The following NCK1 variants were observed in gnomAD, a reference collection of about 807,000 sequenced individuals.
NCK1 encodes the protein SH2/SH3 adapter protein NCK1.
NCK1 carries 19 observed loss-of-function variants against 36.6 expected under a neutral mutation model. The ratio of observed to expected loss-of-function variants is 0.52; its 90% CI spans 0.36 to 0.76. The LOEUF (loss-of-function observed/expected upper bound fraction) is 0.76, where lower values mean the gene tolerates loss of function less well. Among genes scored for constraint, NCK1 ranks in the 30% least tolerant of loss-of-function variants. The probability of loss-of-function intolerance (pLI) is 0.00; values close to 1 mark genes in which losing one functional copy is unlikely to be tolerated. For synonymous variants in NCK1, 165 were observed against 156.0 expected, an observed-to-expected ratio of 1.06 and a Z score of -0.43; for missense variants, 358 against 445.6, an observed-to-expected ratio of 0.80 and a Z score of 1.77.
chr3:136,919,362 A>C (rs1940047941), intron 1 of NCK1, among the ~76,000 whole-genome samples: 1 of 152,204 alleles, frequency 6.6e-6, no homozygotes, highest in South Asian at 2.1e-4. Flanking sequence ...AAACAGCAAA[A>C]AAATATATGG....
chr3:136,927,545 C>G (rs9851726), intron 1 of NCK1, among the ~76,000 whole-genome samples: 103,677 of 151,994 alleles, frequency 0.68, 35,653 homozygotes, highest in East Asian at 0.87. Context: ...TTGATTGAGA[C>G]AGATTCTCCC....
At chr3:136,919,366 T>C (rs888661652) in intron 1 of NCK1, among the ~76,000 whole-genome samples, 1 of 152,054 alleles carries the variant, frequency 6.6e-6, no homozygotes, top group Non-Finnish European at 1.5e-5. Context: ...AGCAAAAAAA[T>C]ATATGGCCCT....
intron 1 of NCK1, among the ~76,000 whole-genome samples, chr3:136,908,896 T>C (rs1464437960): frequency 1.3e-5 from 2 of 152,140 alleles, no homozygotes; most frequent in Admixed American, 6.5e-5. Context: ...TGTTGGAAAG[T>C]TGATGCAGTG....
intron 1 of NCK1, among the ~76,000 whole-genome samples, chr3:136,891,745 T>C (rs1327607309): frequency 6.6e-6 from 1 of 152,154 alleles, no homozygotes. Context: ...ATGGTGATGG[T>C]TGTGAGGTGG....
At chr3:136,935,972 A>G (rs1940519304) in intron 2 of NCK1, among the ~76,000 whole-genome samples, 1 of 151,868 alleles carries the variant, frequency 6.6e-6, no homozygotes. Context: ...CATTTAGTAT[A>G]ATATCTTCAA....
chr3:136,886,051 G>C (rs564650711), intron 1 of NCK1, among the ~76,000 whole-genome samples: 5 of 152,194 alleles, frequency 3.3e-5, no homozygotes, highest in African/African-American at 1.2e-4. Flanking sequence ...TTATAAGGCA[G>C]GTGCCCCTTT....
At position 136,948,321 on chromosome 3, in the gene NCK1, A is replaced by C. The variant is rs1165439100; in HGVS notation, c.1002A>C (p.Leu334=). Residue 334 remains leucine, a synonymous_variant, in exon 4 of 4, where the codon CTA becomes CTC. Transcript: ENST00000481752. ...QGKNKHFKVQ[L]KETVYCIGQR... is the part of the protein sequence containing the mutation. The stretch of plus-strand genomic sequence containing the variant: ...AAAACAAGCATTTTAAAGTCCAACT[A>C]AAAGAGACTGTCTACTGCATTGGGC... The C allele has an allele frequency of 6.2e-7, 1 of 1,612,074 alleles. No homozygotes were observed. Among genetic ancestry groups the C allele is most frequent in the East Asian group, 2.2e-5 (1 of 44,840 alleles).
intron 1 of NCK1, among the ~76,000 whole-genome samples, chr3:136,865,617 C>T (rs1446613166): frequency 6.6e-6 from 1 of 151,868 alleles, no homozygotes; most frequent in Non-Finnish European, 1.5e-5. Context: ...AGAAAAATAC[C>T]AAATGTTCTT....
chr3:136,926,869 T>G (rs1940254344), intron 1 of NCK1, among the ~76,000 whole-genome samples: 1 of 152,228 alleles, frequency 6.6e-6, no homozygotes, highest in African/African-American at 2.4e-5. Flanking sequence ...TTGTATGTGT[T>G]TCATTTGTTT....
At chr3:136,903,968 A>G (rs944604314) in intron 1 of NCK1, among the ~76,000 whole-genome samples, 1 of 151,752 alleles carries the variant, frequency 6.6e-6, no homozygotes, top group Non-Finnish European at 1.5e-5. Context: ...TTGTGATGGT[A>G]GATAGTGTTC....
intron 2 of NCK1, among the ~76,000 whole-genome samples, chr3:136,932,218 G>C (rs751159113): frequency 1.1e-4 from 17 of 152,086 alleles, no homozygotes; most frequent in Admixed American, 2.6e-4. Context: ...CTGAGTCTTA[G>C]GAAGTTGATA....
intron 1 of NCK1, among the ~76,000 whole-genome samples, chr3:136,923,103 G>A (rs1211229373): frequency 6.9e-6 from 1 of 145,082 alleles, no homozygotes; most frequent in Admixed American, 6.8e-5. Flanking sequence ...ATGCCTATGT[G>A]TATGTGTGTG....
At chr3:136,894,821 CTTA>C (rs1281841858) in intron 1 of NCK1, among the ~76,000 whole-genome samples, 1 of 151,972 alleles carries the variant, frequency 6.6e-6, no homozygotes, top group Admixed American at 6.6e-5. Flanking sequence ...TTTTTTAAAT[CTTA>C]TTAGTACTTT....
intron 1 of NCK1, among the ~76,000 whole-genome samples, chr3:136,902,945 A>G (rs1313983804): frequency 6.6e-6 from 1 of 151,972 alleles, no homozygotes; most frequent in Non-Finnish European, 1.5e-5. Flanking sequence ...AATGTTCTGT[A>G]AATGTCTGTT....
At chr3:136,922,249 A>G (rs933853435) in intron 1 of NCK1, among the ~76,000 whole-genome samples, 5 of 152,234 alleles carry the variant, frequency 3.3e-5, no homozygotes, top group Non-Finnish European at 5.9e-5. Flanking sequence ...GGGACTGGGA[A>G]CAAAAGTGAA....
At chr3:136,863,160 G>T (rs1412700313) in intron 1 of NCK1, among the ~76,000 whole-genome samples, 1 of 152,072 alleles carries the variant, frequency 6.6e-6, no homozygotes, top group South Asian at 2.1e-4. Context: ...AATTATGCAC[G>T]TTAGATTAGG....
At chr3:136,907,443 A>G (rs888359371) in intron 1 of NCK1, among the ~76,000 whole-genome samples, 1 of 152,124 alleles carries the variant, frequency 6.6e-6, no homozygotes, top group Non-Finnish European at 1.5e-5. Context: ...ATGTTGTTGC[A>G]TGGTTTCTAG....
intron 1 of NCK1, among the ~76,000 whole-genome samples, chr3:136,903,717 G>A (rs555306656): frequency 1.7e-4 from 26 of 152,124 alleles, no homozygotes; most frequent in Non-Finnish European, 3.2e-4. Flanking sequence ...GAGCCACACC[G>A]CGCCTGGCCA....
rs1385311992 is a variant in NCK1 at position 136,949,528 on chromosome 3, A to T, written c.*1075A>T. 1 of 151,978 alleles carries T rather than the reference A, an allele frequency of 6.6e-6. No homozygotes were observed. Among genetic ancestry groups the T allele is most frequent in the Non-Finnish European group, 1.5e-5 (1 of 67,892 alleles). 9.4% of individuals were successfully genotyped at this position (151,978 alleles called of 1,614,324 possible). Reference sequence around the variant, plus strand: ...TTTTAATTTTTTAATTTGTTTTTTAACCAAGTAGGAATTTGGGTGTATGGA... The same window carrying T: ...TTTTAATTTTTTAATTTGTTTTTTATCCAAGTAGGAATTTGGGTGTATGGA... On this transcript the variant is annotated 3_prime_UTR_variant, in exon 4 of 4. Coordinates refer to ENST00000481752, the MANE Select transcript of NCK1 (RefSeq NM_001291999.2).
Sources: allele counts gnomAD v4.1 joint callset (sites outside exome capture counted in the v4.1 genomes callset), GRCh38; gene constraint gnomAD v4.1.1; transcripts MANE v1.5; gene names NCBI Gene and HGNC (gene_info 2026-07-23, HGNC 2026-07-21).